The following TSPAN13 variants were observed in gnomAD, a reference collection of about 807,000 sequenced individuals.
TSPAN13 encodes the protein tetraspanin-13.
A neutral mutation model predicts 26.9 loss-of-function variants in TSPAN13; 18 were observed. The observed-to-expected ratio is 0.67, with a 90% confidence interval of 0.46 to 0.99. The LOEUF (loss-of-function observed/expected upper bound fraction) is 0.99. Ranked by LOEUF, TSPAN13 falls within the 50% of genes least tolerant of loss-of-function variation. The pLI, the probability that TSPAN13 is intolerant of heterozygous loss-of-function variation, is 0.00. For missense variants in TSPAN13, 201 were observed against 249.6 expected (o/e 0.81, Z 1.31); for synonymous variants, 116 against 98.4 (o/e 1.18, Z -1.06).
chr7:16,754,356 G>C lies in TSPAN13; in HGVS notation c.63+326G>C, dbSNP rs374746601. ...CCGGACCTCTCCGCTTTCCCACCCC[G>C]TACCCTTCTGCCGCTCGCTCCTGAC... On this transcript the variant is annotated intron_variant, in intron 1 of 5. Coordinates refer to ENST00000262067, the MANE Select transcript of TSPAN13 (RefSeq NM_014399.4). Among the ~76,000 whole-genome samples, 7 of 152,198 alleles carry C rather than the reference G, an allele frequency of 4.6e-5. No individual in the cohort carries two copies. In the East Asian group the frequency reaches 9.7e-4, roughly 21 times the overall value.
intron 1 of TSPAN13, among the ~76,000 whole-genome samples, chr7:16,762,623 C>T (rs113448212): frequency 0.011 from 1,626 of 152,224 alleles, 15 homozygotes; most frequent in Non-Finnish European, 0.015. Context: ...AATAGAAACC[C>T]AGCTATCACT....
At chr7:16,777,473 C>A (rs112739833) in intron 3 of TSPAN13, among the ~76,000 whole-genome samples, 42 of 152,250 alleles carry the variant, frequency 2.8e-4, no homozygotes, top group African/African-American at 9.9e-4. Flanking sequence ...AGCTCTAATT[C>A]GTAGACAAAT....
rs772431516 is a variant in TSPAN13, at chr7:16,777,927, AAT to A, written c.426+21_426+22del. On this transcript the variant is annotated intron_variant, in intron 4 of 5. Transcript: ENST00000262067. ...CTGTCTGGCTGTAAGTACATTGTAT[AAT>A]ATATGTTTTTGGAAATGTATTACAG... 4 of 1,575,758 alleles carry A rather than the reference AAT, an allele frequency of 2.5e-6. No homozygotes were observed. The highest frequency in any genetic ancestry group is 1.1e-5 in the South Asian group (1 of 87,146).
intron 4 of TSPAN13, among the ~76,000 whole-genome samples, chr7:16,778,788 C>T (rs544853138): frequency 6.6e-6 from 1 of 152,164 alleles, no homozygotes; most frequent in East Asian, 1.9e-4. Context: ...ACAAGTTCCA[C>T]GCATACTCAA....
At chr7:16,754,153 C>T in intron 1 of TSPAN13, 123 bp downstream of exon 1, 1 of 894,414 alleles carries the variant, frequency 1.1e-6, no homozygotes. Flanking sequence ...CGGCTTCCCA[C>T]GTCTGCGCGC....
intron 1 of TSPAN13, 103 bp from the exon 2 acceptor site, chr7:16,776,108 G>C: frequency 9.1e-7 from 1 of 1,096,382 alleles, no homozygotes; most frequent in Non-Finnish European, 1.3e-6. Context: ...AAGAGACTAC[G>C]TAGGTGCCTG....
At chr7:16,755,542 T>G (rs1189830666) in intron 1 of TSPAN13, among the ~76,000 whole-genome samples, 11 of 26,366 alleles carry the variant, frequency 4.2e-4, no homozygotes, top group African/African-American at 2.4e-3. Context: ...TTCTCTAGGG[T>G]TTTTTTTTTT....
intron 1 of TSPAN13, among the ~76,000 whole-genome samples, chr7:16,767,391 A>G (rs1784618163): frequency 6.6e-6 from 1 of 152,206 alleles, no homozygotes; most frequent in South Asian, 2.1e-4. Context: ...TGTCAATTTA[A>G]TAGAAATAGA....
At chr7:16,778,852 T>C (rs1286627857) in intron 4 of TSPAN13, 151 bp from the exon 5 acceptor site, 2 of 579,326 alleles carry the variant, frequency 3.5e-6, no homozygotes, top group Middle Eastern at 4.6e-4. Flanking sequence ...GTGGGAGTCT[T>C]GGGGGCTGTG....
chr7:16,763,363 G>T (rs908012616), intron 1 of TSPAN13, among the ~76,000 whole-genome samples: 1 of 152,224 alleles, frequency 6.6e-6, no homozygotes. Context: ...GGTGAAGCTT[G>T]TGTGAATCAG....
chr7:16,781,800 A>C (rs1943983457), intron 5 of TSPAN13, among the ~76,000 whole-genome samples: 1 of 152,112 alleles, frequency 6.6e-6, no homozygotes, highest in South Asian at 2.1e-4. Context: ...AGCTTTGGCA[A>C]GTGATATTTG....
At chr7:16,759,825 A>G (rs1201818414) in intron 1 of TSPAN13, among the ~76,000 whole-genome samples, 3 of 151,580 alleles carry the variant, frequency 2.0e-5, no homozygotes, top group Non-Finnish European at 4.4e-5. Flanking sequence ...AGTAGCTGGG[A>G]CTACAGGCAT....
chr7:16,762,175 G>T (rs1410873718), intron 1 of TSPAN13, among the ~76,000 whole-genome samples: 1 of 152,190 alleles, frequency 6.6e-6, no homozygotes, highest in African/African-American at 2.4e-5. Flanking sequence ...TGTAGACAGA[G>T]AATAATATGG....
At chr7:16,780,984 C>T (rs902674160) in intron 5 of TSPAN13, among the ~76,000 whole-genome samples, 17 of 152,276 alleles carry the variant, frequency 1.1e-4, no homozygotes, top group Admixed American at 3.9e-4. Flanking sequence ...GCTCAATATT[C>T]ACAGAATCAC....
intron 1 of TSPAN13, among the ~76,000 whole-genome samples, chr7:16,770,424 G>A (rs1407723361): frequency 1.3e-5 from 2 of 152,120 alleles, no homozygotes; most frequent in Non-Finnish European, 2.9e-5. Flanking sequence ...TGGCCAGACT[G>A]CTCTTGAACA....
intron 1 of TSPAN13, among the ~76,000 whole-genome samples, chr7:16,771,488 A>C (rs1158880701): frequency 6.6e-6 from 1 of 152,212 alleles, no homozygotes; most frequent in African/African-American, 2.4e-5. Context: ...GGTGAGCTTT[A>C]TGGAATCACA....
At chr7:16,779,648 A>G (rs1784792849) in intron 5 of TSPAN13, among the ~76,000 whole-genome samples, 1 of 151,920 alleles carries the variant, frequency 6.6e-6, no homozygotes, top group Non-Finnish European at 1.5e-5. Flanking sequence ...ATATAGTACA[A>G]TATTTATGTA....
At chr7:16,769,752 T>G (rs1414502371) in intron 1 of TSPAN13, among the ~76,000 whole-genome samples, 1 of 152,194 alleles carries the variant, frequency 6.6e-6, no homozygotes, top group Middle Eastern at 3.2e-3. Flanking sequence ...CCCATTGTTA[T>G]TTTGTATTTA....
At chr7:16,756,107 G>T (rs1337857303) in intron 1 of TSPAN13, among the ~76,000 whole-genome samples, 1 of 152,176 alleles carries the variant, frequency 6.6e-6, no homozygotes, top group Non-Finnish European at 1.5e-5. Flanking sequence ...GTGGAGGCAA[G>T]TGACAGGTAA....
Sources: allele counts gnomAD v4.1 joint callset (sites outside exome capture counted in the v4.1 genomes callset), GRCh38; gene constraint gnomAD v4.1.1; transcripts MANE v1.5; gene names NCBI Gene and HGNC (gene_info 2026-07-23, HGNC 2026-07-21).